KCNJ3: variants seen among roughly 807,000 people sequenced by gnomAD.
KCNJ3 encodes the protein G protein-activated inward rectifier potassium channel 1.
Under a neutral mutation model 39.2 loss-of-function variants are expected in KCNJ3, and 4 were observed. That is an observed-to-expected ratio of 0.10 (90% CI 0.05 to 0.23). The LOEUF (loss-of-function observed/expected upper bound fraction) is 0.23. Ranked by LOEUF, KCNJ3 falls within the 10% of genes least tolerant of loss-of-function variation. The pLI is 1.00. For synonymous variants in KCNJ3, 230 were observed against 237.4 expected, an observed-to-expected ratio of 0.97 and a Z score of 0.29; for missense variants, 276 against 634.9, an observed-to-expected ratio of 0.43 and a Z score of 6.08.
intron 2 of KCNJ3, among the ~76,000 whole-genome samples, chr2:154,798,180 C>T (rs6716140): frequency 0.081 from 11,671 of 144,710 alleles, 696 homozygotes; most frequent in African/African-American, 0.17. Context: ...ACCCATCATT[C>T]GAACACCGCA....
rs1684839490 is a variant in KCNJ3 at position 154,699,037 on chromosome 2, A to G, written c.262A>G (p.Ile88Val). Residue 88 changes from isoleucine (I) to valine (V), a missense_variant, in exon 1 of 3, where the codon ATT (isoleucine) becomes GTT (valine). Around this residue, in one of 4 missense-constraint regions of KCNJ3, gnomAD observed 46 missense variants for 206.6 expected, o/e 0.22. Transcript: ENST00000295101. This position sits in a 1 kb window ranked among gnomAD's most constrained non-coding sequence, Gnocchi z 6.4. ...GTGGCGCTGGAACCTCTTCATCTTC[A>G]TTCTCACCTACACCGTGGCCTGGCT... The part of the protein sequence containing the change: ...LKWRWNLFIF[I>V]LTYTVAWLFM... 1 of 1,614,038 alleles carries G rather than the reference A, an allele frequency of 6.2e-7. No homozygotes were observed. Among genetic ancestry groups the G allele is most frequent in the African/African-American group, 1.3e-5 (1 of 74,916 alleles).
chr2:154,724,223 T>C (rs1263777720), intron 2 of KCNJ3, among the ~76,000 whole-genome samples: 1 of 152,124 alleles, frequency 6.6e-6, no homozygotes, highest in African/African-American at 2.4e-5. Context: ...TAAAATACCA[T>C]GAAGATCTGA....
At chr2:154,826,927 A>C (rs1192550655) in intron 2 of KCNJ3, among the ~76,000 whole-genome samples, 2 of 152,160 alleles carry the variant, frequency 1.3e-5, no homozygotes, top group African/African-American at 4.8e-5. Flanking sequence ...AGTGTGTATA[A>C]TTTGTATTTC....
intron 2 of KCNJ3, among the ~76,000 whole-genome samples, chr2:154,802,486 G>A (rs551366329): frequency 6.6e-6 from 1 of 152,124 alleles, no homozygotes; most frequent in African/African-American, 2.4e-5. Context: ...TAAATAGCGA[G>A]CCACGGAGAA....
intron 2 of KCNJ3, among the ~76,000 whole-genome samples, chr2:154,749,060 A>G (rs953479614): frequency 6.6e-6 from 1 of 152,152 alleles, no homozygotes; most frequent in African/African-American, 2.4e-5. Context: ...TCTGCTGTGT[A>G]CTGAGAATCA....
At chr2:154,803,903 T>A (rs1193267499) in intron 2 of KCNJ3, among the ~76,000 whole-genome samples, 1 of 152,030 alleles carries the variant, frequency 6.6e-6, no homozygotes. Context: ...TAAGTATAAT[T>A]TTTGAACTGA....
chr2:154,813,734 A>G (rs1271035927), intron 2 of KCNJ3, among the ~76,000 whole-genome samples: 1 of 152,160 alleles, frequency 6.6e-6, no homozygotes, highest in Non-Finnish European at 1.5e-5. Context: ...AAAATGTGTA[A>G]CTCTTGTTAT....
At chr2:154,701,119 A>T (rs1684888250) in intron 1 of KCNJ3, among the ~76,000 whole-genome samples, 1 of 152,126 alleles carries the variant, frequency 6.6e-6, no homozygotes, top group Admixed American at 6.6e-5. Context: ...TACAATAGTA[A>T]CTGTATGTGT....
chr2:154,841,892 G>A (rs1687583232), intron 2 of KCNJ3, among the ~76,000 whole-genome samples: 1 of 151,910 alleles, frequency 6.6e-6, no homozygotes, highest in South Asian at 2.1e-4. Flanking sequence ...ACCAGCTCCT[G>A]GATTCATTGA....
At chr2:154,718,316 A>T (rs185029413) in intron 2 of KCNJ3, among the ~76,000 whole-genome samples, 10 of 152,322 alleles carry the variant, frequency 6.6e-5, no homozygotes, top group Admixed American at 4.6e-4. Flanking sequence ...TTTTATGAGG[A>T]GTTCCTAAAT....
At chr2:154,755,583 T>G (rs1164979226) in intron 2 of KCNJ3, among the ~76,000 whole-genome samples, 4 of 150,230 alleles carry the variant, frequency 2.7e-5, no homozygotes, top group African/African-American at 9.8e-5. Context: ...GCATACTAGA[T>G]TATTTCTGAC....
At chr2:154,848,818 C>A (rs1431374404) in intron 2 of KCNJ3, among the ~76,000 whole-genome samples, 1 of 152,098 alleles carries the variant, frequency 6.6e-6, no homozygotes, top group Non-Finnish European at 1.5e-5. Flanking sequence ...GTACTTACTG[C>A]AGGGAGTTGT....
At position 154,840,390 on chromosome 2, in the gene KCNJ3, T is replaced by C. The variant is rs1444778323; in HGVS notation, c.920-14337T>C. On this transcript the variant is annotated intron_variant, in intron 2 of 2. Coordinates refer to ENST00000295101, the MANE Select transcript of KCNJ3 (RefSeq NM_002239.4). ...AGGTAGCATGATGCCTCCAGCTTTG[T>C]TCTTTTGGCTTAGGATTGACTTGGC... Among the ~76,000 whole-genome samples, 5 of 152,330 alleles carry C rather than the reference T, an allele frequency of 3.3e-5. No homozygotes were observed. The East Asian group carries it at 9.7e-4, about 29-fold the overall frequency.
At chr2:154,707,291 T>C (rs1212089238) in intron 1 of KCNJ3, among the ~76,000 whole-genome samples, 1 of 152,000 alleles carries the variant, frequency 6.6e-6, no homozygotes, top group East Asian at 1.9e-4. Context: ...TTTGAGTGTA[T>C]AGAGCAAATA....
chr2:154,799,850 G>A (rs1383370474), intron 2 of KCNJ3, among the ~76,000 whole-genome samples: 5 of 152,146 alleles, frequency 3.3e-5, no homozygotes, highest in African/African-American at 1.2e-4. Context: ...CATTAAAAAT[G>A]TCCCATCCCT....
At chr2:154,735,102 T>TGTGTGTGTGTGTG (rs746877275) in intron 2 of KCNJ3, among the ~76,000 whole-genome samples, 3 of 151,888 alleles carry the variant, frequency 2.0e-5, no homozygotes, top group African/African-American at 4.8e-5. Context: ...TGTGTGTGTG[T>TGTGTGTGTGTGTG]TTGAGACGGA....
chr2:154,701,698 T>A (rs1199264965), intron 1 of KCNJ3, among the ~76,000 whole-genome samples: 1 of 152,072 alleles, frequency 6.6e-6, no homozygotes, highest in African/African-American at 2.4e-5. Context: ...ACAATACATA[T>A]AATATTCTTA....
chr2:154,729,425 T>A (rs527266743), intron 2 of KCNJ3, among the ~76,000 whole-genome samples: 1 of 152,322 alleles, frequency 6.6e-6, no homozygotes, highest in South Asian at 2.1e-4. Context: ...AGTCATTTAA[T>A]TAAGTTCCTT....
At chr2:154,778,715 C>T (rs1055098100) in intron 2 of KCNJ3, among the ~76,000 whole-genome samples, 2 of 151,882 alleles carry the variant, frequency 1.3e-5, no homozygotes, top group Non-Finnish European at 2.9e-5. Flanking sequence ...TGCATATGCT[C>T]TTTTTGGAAA....
Sources: allele counts gnomAD v4.1 joint callset (sites outside exome capture counted in the v4.1 genomes callset), GRCh38; gene constraint gnomAD v4.1.1; regional missense constraint gnomAD v4.1.1; non-coding constraint Gnocchi (gnomAD v3.1); transcripts MANE v1.5; gene names NCBI Gene and HGNC (gene_info 2026-07-23, HGNC 2026-07-21).